VWF: variants seen among roughly 807,000 people sequenced by gnomAD.
The protein encoded by VWF is von Willebrand factor, also known as Factor VIII related antigen.
A neutral mutation model predicts 308.6 loss-of-function variants in VWF; 176 were observed. The observed-to-expected ratio is 0.57, with a 90% CI of 0.50 to 0.65. The LOEUF (loss-of-function observed/expected upper bound fraction) is 0.65. Ranked by LOEUF, VWF falls within the 30% of genes least tolerant of loss-of-function variation. VWF has a pLI of 0.00. For missense variants in VWF, 3,146 were observed against 3,648.2 expected (o/e 0.86, Z 3.55); for synonymous variants, 1,385 against 1,443.4 (o/e 0.96, Z 0.92).
At chr12:5,991,749 G>T in intron 38 of VWF, 70 bp downstream of exon 38, 1 of 1,545,958 alleles carries the variant, frequency 6.5e-7, no homozygotes, top group Non-Finnish European at 8.9e-7. Flanking sequence ...GCCAATCACT[G>T]GTGAACATAT....
At chr12:6,105,298 G>A (rs572506465) in intron 5 of VWF, among the ~76,000 whole-genome samples, 11 of 152,150 alleles carry the variant, frequency 7.2e-5, no homozygotes, top group African/African-American at 2.2e-4. Context: ...GGGCGATCTC[G>A]GCTCATTGCA....
chr12:5,968,344 CG>C (rs1329132825), intron 45 of VWF, 177 bp from the exon 46 acceptor site: 1 of 661,656 alleles, frequency 1.5e-6, no homozygotes, highest in Non-Finnish European at 2.5e-6. Context: ...GAGCCCACAG[CG>C]GCCTCCCTTC....
At chr12:5,970,876 T>G (rs1468977953) in intron 44 of VWF, among the ~76,000 whole-genome samples, 1 of 152,198 alleles carries the variant, frequency 6.6e-6, no homozygotes, top group Non-Finnish European at 1.5e-5. Context: ...ACCTTATCCT[T>G]CTGACCAGAC....
At chr12:6,028,070 T>C (rs972399552) in intron 22 of VWF, among the ~76,000 whole-genome samples, 2 of 151,840 alleles carry the variant, frequency 1.3e-5, no homozygotes, top group Non-Finnish European at 2.9e-5. Context: ...AAGCTGAAAA[T>C]GGATGGTGTT....
At chr12:5,979,933 C>T (rs1486860195) in intron 42 of VWF, among the ~76,000 whole-genome samples, 3 of 148,006 alleles carry the variant, frequency 2.0e-5, no homozygotes, top group African/African-American at 5.0e-5. Flanking sequence ...CCCAGCTACT[C>T]GGGAGGCTGA....
chr12:5,968,065 T>G, intron 46 of VWF, 62 bp downstream of exon 46: 1 of 1,608,158 alleles, frequency 6.2e-7, no homozygotes, highest in Non-Finnish European at 8.5e-7. Context: ...CCTGCTCCCC[T>G]TCCCACAGTA....
chr12:6,066,180 C>T lies in VWF; in HGVS notation c.1157-907G>A, dbSNP rs532967098. Among the ~76,000 whole-genome samples the T allele has an allele frequency of 2.0e-5, 3 of 152,288 alleles. No individual in the cohort carries two copies. The South Asian group carries it at 6.2e-4, about 32-fold the overall frequency. On this transcript the variant is annotated intron_variant, in intron 10 of 51. Coordinates refer to ENST00000261405, the MANE Select transcript of VWF (RefSeq NM_000552.5). ...GGCCCCATACTTGTGGCCCAATGCA[C>T]CTCCAAACTGAGATCACACATCCTG...
chr12:6,017,496 T>C (rs751834423), intron 28 of VWF, among the ~76,000 whole-genome samples: 9 of 152,176 alleles, frequency 5.9e-5, no homozygotes, highest in Non-Finnish European at 1.2e-4. Flanking sequence ...ACTCAAAAGA[T>C]ACTAAAAGAA....
chr12:6,119,470 T>G (rs1025043399), intron 3 of VWF, among the ~76,000 whole-genome samples: 18 of 152,170 alleles, frequency 1.2e-4, no homozygotes, highest in African/African-American at 4.1e-4. Context: ...CTTCTCATGC[T>G]GTCCCCACCA....
intron 22 of VWF, among the ~76,000 whole-genome samples, chr12:6,027,090 CAT>C (rs1198310344): frequency 9.9e-5 from 15 of 152,282 alleles, no homozygotes; most frequent in Middle Eastern, 3.4e-3. Flanking sequence ...CACCAGGAAA[CAT>C]AGAGGAAGAA....
chr12:6,123,496 G>A (rs1207388193), intron 1 of VWF, among the ~76,000 whole-genome samples: 1 of 152,156 alleles, frequency 6.6e-6, no homozygotes, highest in Non-Finnish European at 1.5e-5. Context: ...GGCCCGCTGG[G>A]CCTCACATCC....
chr12:6,023,773 T>C lies in VWF; in HGVS notation c.3237A>G (p.Pro1079=), dbSNP rs760532696. ...TGTCGTAAATGCAGACATCCAGATA[T>C]GGCTCGGGGTCCACCTGCAAAGGCA... The part of the protein sequence containing the change: ...QDCNKLVDPE[P]YLDVCIYDTC... Residue 1079 remains proline, a synonymous_variant, in exon 25 of 52, where the codon CCA becomes CCG. Transcript: ENST00000261405. 7.4e-6 allele frequency: 12 copies of C among 1,612,304 alleles called. No homozygotes were observed. In the South Asian group the frequency reaches 1.3e-4, roughly 18 times the overall value.
At position 6,060,761 on chromosome 12, in the gene VWF, TCTC is replaced by T. The variant is rs1337516009; in HGVS notation, c.1533+2190_1533+2192del. The stretch of plus-strand genomic sequence containing the variant: ...CCCACAGAAAGAAGTTGGCTTCTCT[TCTC>T]CTCAGGGGAGAGACAAAGACCAAAG... On this transcript the variant is annotated intron_variant, in intron 13 of 51. Coordinates refer to ENST00000261405, the MANE Select transcript of VWF (RefSeq NM_000552.5). The surrounding 1 kb of genome is among the most constrained non-coding windows in gnomAD (Gnocchi z 5.1). Among the ~76,000 whole-genome samples the T allele has an allele frequency of 6.6e-6, 1 of 152,072 alleles. No homozygotes were observed. Among genetic ancestry groups the T allele is most frequent in the Non-Finnish European group, 1.5e-5 (1 of 68,014 alleles).
chr12:5,992,961 A>G (rs1943762409), intron 37 of VWF, among the ~76,000 whole-genome samples: 4 of 152,192 alleles, frequency 2.6e-5, no homozygotes, highest in Non-Finnish European at 1.5e-5. Flanking sequence ...AGAAAATCAG[A>G]GCCCTAAGGA....
At position 6,018,967 on chromosome 12, in the gene VWF, C is replaced by T. The variant is rs267603619; in HGVS notation, c.4451G>A (p.Gly1484Glu). The T allele has an allele frequency of 1.2e-6, 2 of 1,613,898 alleles. No individual in the cohort carries two copies. The highest frequency in any genetic ancestry group is 3.3e-4 in the Middle Eastern group (2 of 6,056). ...AQVTVGPGLL[G>E]VSTLGPKRNS... The stretch of plus-strand genomic sequence containing the variant: ...CCTCTTGGGCCCCAGGGTCGAAACC[C>T]CCAAGAGCCCCGGGCCCACAGTGAC... Residue 1484 changes from glycine to glutamate, a missense_variant, in exon 28 of 52, where the codon GGG becomes GAG. Gly to Glu is a moderately conservative substitution (Grantham distance 98). Around this residue, in one of 3 missense-constraint regions of VWF, gnomAD observed 853 missense variants for 1,177.8 expected, o/e 0.72. Coordinates refer to ENST00000261405, the MANE Select transcript of VWF (RefSeq NM_000552.5).
intron 6 of VWF, among the ~76,000 whole-genome samples, chr12:6,094,726 T>TA (rs1945085985): frequency 6.6e-6 from 1 of 151,996 alleles, no homozygotes; most frequent in East Asian, 1.9e-4. Flanking sequence ...TCTTTTTTTT[T>TA]AATTGAGACA....
In VWF at chr12:5,981,962, A is replaced by T; in HGVS notation, c.7111T>A (p.Ser2371Thr). Reference sequence around the variant, plus strand: ...CGGTGCGGGGGGCAGGAGGGTGGGGACACTCTTTTGCACTCCTCCTTCCTG... The same window carrying T: ...CGGTGCGGGGGGCAGGAGGGTGGGGTCACTCTTTTGCACTCCTCCTTCCTG... ...ACRKEECKRV[S>T]PPSCPPHRLP... The change falls in exon 42 of 52, where the codon TCC (serine) becomes ACC (threonine). Residue 2371 changes from serine to threonine, a missense_variant. By Grantham distance (58) the Ser-to-Thr change is moderately conservative. Transcript: ENST00000261405. 1 of 1,613,690 alleles carries T rather than the reference A, an allele frequency of 6.2e-7. No homozygotes were observed. The highest frequency in any genetic ancestry group is 1.3e-5 in the African/African-American group (1 of 74,918).
chr12:6,023,507 G>A, intron 25 of VWF, 124 bp downstream of exon 25: 1 of 1,432,164 alleles, frequency 7.0e-7, no homozygotes, highest in Non-Finnish European at 9.6e-7. Context: ...TGGCCATCCA[G>A]TCCCTACTAA....
intron 16 of VWF, among the ~76,000 whole-genome samples, chr12:6,051,291 T>C (rs749265819): frequency 1.3e-3 from 38 of 28,506 alleles, no homozygotes; most frequent in South Asian, 4.9e-3. Flanking sequence ...TTTTTCTTTT[T>C]TTTTTTTTTT....
Sources: allele counts gnomAD v4.1 joint callset (sites outside exome capture counted in the v4.1 genomes callset), GRCh38; gene constraint gnomAD v4.1.1; regional missense constraint gnomAD v4.1.1; non-coding constraint Gnocchi (gnomAD v3.1); transcripts MANE v1.5; gene names NCBI Gene and HGNC (gene_info 2026-07-23, HGNC 2026-07-21).